LZIC: variants seen among roughly 807,000 people sequenced by gnomAD.
The protein encoded by LZIC is leucine zipper and CTNNBIP1 domain containing, also known as protein LZIC.
LZIC carries 28 observed loss-of-function variants against 25.4 expected under a neutral mutation model. The observed-to-expected ratio is 1.10, with a 90% CI of 0.82 to 1.51. The LOEUF is 1.51. Ranked by LOEUF, LZIC falls within the 40% of genes most tolerant of loss-of-function variation. LZIC has a pLI of 0.00. For synonymous variants in LZIC, 65 were observed against 70.7 expected, an observed-to-expected ratio of 0.92 and a Z score of 0.40; for missense variants, 170 against 211.1, an observed-to-expected ratio of 0.81 and a Z score of 1.21.
chr1:9,933,272 AAAAAAAAAAAAAT>A (rs1640310793), intron 5 of LZIC, among the ~76,000 whole-genome samples: 4 of 143,290 alleles, frequency 2.8e-5, no homozygotes, highest in African/African-American at 7.7e-5. Flanking sequence ...AAAAAAAAAA[AAAAAAAAAAAAAT>A]ATATATATAT....
rs1215165059 is a variant in LZIC, at chr1:9,929,852, G to A, written c.*547C>T. On this transcript the variant is annotated 3_prime_UTR_variant, in exon 8 of 8. Coordinates refer to ENST00000377223, the MANE Select transcript of LZIC (RefSeq NM_032368.5). Reference sequence around the variant, plus strand: ...TACTAAACTGGGAGTCAGGACACCTGAGTCTTACCCTCAGCTCTCTGATGC... The same window carrying A: ...TACTAAACTGGGAGTCAGGACACCTAAGTCTTACCCTCAGCTCTCTGATGC... 4 of 978,376 alleles carry A rather than the reference G, an allele frequency of 4.1e-6. No homozygotes were observed. In the African/African-American group the frequency reaches 5.3e-5, roughly 13 times the overall value. The allele number at this position is 978,376 out of a possible 1,614,324, so 60.6% of individuals were successfully genotyped here.
intron 2 of LZIC, among the ~76,000 whole-genome samples, chr1:9,939,962 T>A (rs574402822): frequency 1.7e-4 from 26 of 151,976 alleles, no homozygotes; most frequent in African/African-American, 5.8e-4. Context: ...CTACAATAAA[T>A]TAAAATATTA....
At chr1:9,932,602 G>A (rs1369766926) in intron 6 of LZIC, among the ~76,000 whole-genome samples, 7 of 146,644 alleles carry the variant, frequency 4.8e-5, no homozygotes, top group Non-Finnish European at 1.0e-4. Context: ...AGAATTGCTT[G>A]AACCCAGGAG....
intron 1 of LZIC, chr1:9,942,996 G>A (rs1035347768): frequency 3.2e-5 from 11 of 341,788 alleles, no homozygotes; most frequent in African/African-American, 8.6e-5. Flanking sequence ...CGCCTTGAGG[G>A]ATGGCGTCAA....
chr1:9,932,703 A>AAG, intron 6 of LZIC, 100 bp downstream of exon 6: 1 of 613,806 alleles, frequency 1.6e-6, no homozygotes. Flanking sequence ...AAAAAAAAAA[A>AAG]AAGAATGTCT....
At chr1:9,925,116 AG>A (rs1170785407), downstream of LZIC, among the ~76,000 whole-genome samples, 6 of 151,168 alleles carry the variant, frequency 4.0e-5, no homozygotes, top group East Asian at 1.2e-3. Flanking sequence ...CTTTGAGACC[AG>A]CCTGGCCAAC....
rs968547531 is a variant in LZIC, at chr1:9,929,528, A to T, written c.*871T>A. The T allele has an allele frequency of 3.0e-6, 3 of 985,094 alleles. No homozygotes were observed. Among genetic ancestry groups the T allele is most frequent in the Non-Finnish European group, 3.6e-6 (3 of 829,798 alleles). The allele number at this position is 985,094 out of a possible 1,614,324, so 61.0% of individuals were successfully genotyped here. ...AACAGCTGACAGTTACCCCCCTCTGAGTGTGACAAGAGGTCACGCACAGGG... is the reference window on the plus strand; with the variant it reads ...AACAGCTGACAGTTACCCCCCTCTGTGTGTGACAAGAGGTCACGCACAGGG... On this transcript the variant is annotated 3_prime_UTR_variant, in exon 8 of 8. Coordinates refer to ENST00000377223, the MANE Select transcript of LZIC (RefSeq NM_032368.5).
chr1:9,923,992 T>C (rs1639921069), downstream of LZIC, among the ~76,000 whole-genome samples: 1 of 152,210 alleles, frequency 6.6e-6, no homozygotes, highest in South Asian at 2.1e-4. Context: ...CTTCAGGTGA[T>C]CCACCCACCT....
chr1:9,931,603 C>G (rs1640216490), intron 7 of LZIC, among the ~76,000 whole-genome samples: 1 of 151,872 alleles, frequency 6.6e-6, no homozygotes, highest in Admixed American at 6.6e-5. Context: ...AGGGTCTCAC[C>G]ATGTTGCCCA....
rs1640123571 is a variant in LZIC, at chr1:9,929,521, CCCT to C, written c.*875_*877del. 2 of 983,658 alleles carry C rather than the reference CCCT, an allele frequency of 2.0e-6. No homozygotes were observed. The highest frequency in any genetic ancestry group is 4.7e-5 in the South Asian group (1 of 21,124). 60.9% of individuals were successfully genotyped at this position (983,658 alleles called of 1,614,324 possible). A position where few individuals can be genotyped will look rare whatever the true frequency, so the allele number is the denominator to read the frequency against. On this transcript the variant is annotated 3_prime_UTR_variant, in exon 8 of 8. Coordinates refer to ENST00000377223, the MANE Select transcript of LZIC (RefSeq NM_032368.5). ...AGTAGATAACAGCTGACAGTTACCC[CCCT>C]CTGAGTGTGACAAGAGGTCACGCAC...
chr1:9,943,206 G>T (rs1305334277), intron 1 of LZIC, 43 bp downstream of exon 1: 2 of 170,358 alleles, frequency 1.2e-5, no homozygotes, highest in Non-Finnish European at 2.6e-5. Context: ...GCCACCAGAG[G>T]TAGCCGTAAA....
In LZIC at chr1:9,936,679, A is replaced by AT. The variant is rs970230697; in HGVS notation, c.-8-53dup. The AT allele has an allele frequency of 1.1e-5, 14 of 1,229,378 alleles. No homozygotes were observed. In the African/African-American group the frequency reaches 2.1e-4, roughly 18 times the overall value. The allele number at this position is 1,229,378 out of a possible 1,614,324, so 76.2% of individuals were successfully genotyped here. A position where few individuals can be genotyped will look rare whatever the true frequency, so the allele number is the denominator to read the frequency against. On this transcript the variant is annotated intron_variant, in intron 2 of 7. Coordinates refer to ENST00000377223, the MANE Select transcript of LZIC (RefSeq NM_032368.5). ...CATATGAAATTAACATACCAGTGCA[A>AT]TTTTTTTAAGTTTTATTTTTTGTAG...
In LZIC at chr1:9,930,216, G is replaced by A. The variant is rs1186255017; in HGVS notation, c.*183C>T. The A allele has an allele frequency of 6.2e-6, 9 of 1,441,618 alleles. No individual in the cohort carries two copies. Among genetic ancestry groups the A allele is most frequent in the African/African-American group, 4.3e-5 (3 of 70,572 alleles). The allele number at this position is 1,441,618 out of a possible 1,614,324, so 89.3% of individuals were successfully genotyped here. On this transcript the variant is annotated 3_prime_UTR_variant, in exon 8 of 8. Transcript: ENST00000377223. The stretch of plus-strand genomic sequence containing the variant: ...TTCAGGATCACTCAAGCAGGTAACC[G>A]CACACAACGCACAATGATGAAGAGC...
chr1:9,940,531 G>C (rs988380618), intron 2 of LZIC, among the ~76,000 whole-genome samples: 44 of 152,144 alleles, frequency 2.9e-4, no homozygotes, highest in Non-Finnish European at 1.2e-4. Context: ...TGTTAGCCAG[G>C]ATGGTCTCAA....
rs1570626265 is a variant in LZIC, at chr1:9,929,341, A to C, written c.*1058T>G. On this transcript the variant is annotated 3_prime_UTR_variant, in exon 8 of 8. Transcript: ENST00000377223. ...AAAGAAAAAGAATATTGAGAAGCAC[A>C]TGAAAGAATATAAAATGGCTAGAGC... is the stretch of plus-strand genomic sequence containing the variant. The C allele has an allele frequency of 1.0e-6, 1 of 984,980 alleles. No individual in the cohort carries two copies. The highest frequency in any genetic ancestry group is 1.2e-6 in the Non-Finnish European group (1 of 829,498). 61.0% of individuals were successfully genotyped at this position (984,980 alleles called of 1,614,324 possible).
downstream of LZIC, among the ~76,000 whole-genome samples, chr1:9,924,214 T>G (rs1639926395): frequency 6.6e-6 from 1 of 152,222 alleles, no homozygotes; most frequent in East Asian, 1.9e-4. Flanking sequence ...TTGGGTCAAC[T>G]TAAAACACAA....
intron 3 of LZIC, 141 bp from the exon 4 acceptor site, chr1:9,935,768 G>C: frequency 1.4e-6 from 1 of 717,474 alleles, no homozygotes; most frequent in Non-Finnish European, 2.2e-6. Context: ...TAGTAGTGAG[G>C]GCATTTTCCT....
chr1:9,940,266 T>TC (rs1384810944), intron 2 of LZIC, among the ~76,000 whole-genome samples: 1 of 152,042 alleles, frequency 6.6e-6, no homozygotes, highest in African/African-American at 2.4e-5. Flanking sequence ...AAGCTCCGCC[T>TC]CCCGGGTTCA....
downstream of LZIC, among the ~76,000 whole-genome samples, chr1:9,926,205 T>G (rs769048326): frequency 6.6e-6 from 1 of 152,140 alleles, no homozygotes; most frequent in South Asian, 2.1e-4. Context: ...ATTTACATAC[T>G]AATGCTGGAA....
Sources: allele counts gnomAD v4.1 joint callset (sites outside exome capture counted in the v4.1 genomes callset), GRCh38; gene constraint gnomAD v4.1.1; transcripts MANE v1.5; gene names NCBI Gene and HGNC (gene_info 2026-07-23, HGNC 2026-07-21).